Variants in AKAP6 observed in about 807,000 individuals in gnomAD.
AKAP6 encodes A-kinase anchor protein 6.
In AKAP6, 58 loss-of-function variants were observed where a neutral mutation model predicts 188.5. That is an observed-to-expected ratio of 0.31 (90% confidence interval 0.25 to 0.38). AKAP6 has a LOEUF of 0.38. AKAP6 is among the 10% of genes least tolerant of loss of function. The pLI, the probability that AKAP6 is intolerant of heterozygous loss-of-function variation, is 1.00. For missense variants in AKAP6, 2,710 were observed against 2,740.0 expected (o/e 0.99, Z 0.24); for synonymous variants, 989 against 998.6 (o/e 0.99, Z 0.18).
intron 2 of AKAP6, among the ~76,000 whole-genome samples, chr14:32,516,336 A>G (rs1042268405): frequency 2.0e-5 from 3 of 152,112 alleles, no homozygotes; most frequent in Admixed American, 1.3e-4. Context: ...GACCTTGAAG[A>G]TGGTAAAGGA....
At chr14:32,403,539 G>A (rs1889168748) in intron 1 of AKAP6, 2 of 152,190 alleles carry the variant, frequency 1.3e-5, no homozygotes, top group African/African-American at 2.4e-5. Flanking sequence ...TGTGCTCAGA[G>A]CCAAGCTTGT....
intron 12 of AKAP6, among the ~76,000 whole-genome samples, chr14:32,781,335 T>A: frequency 6.9e-6 from 1 of 144,624 alleles, no homozygotes. Flanking sequence ...GCAACAAGAG[T>A]GAAACTTACT....
At chr14:32,531,243 GT>G (rs1351849420) in intron 2 of AKAP6, among the ~76,000 whole-genome samples, 1 of 152,160 alleles carries the variant, frequency 6.6e-6, no homozygotes, top group Non-Finnish European at 1.5e-5. Context: ...TTAAGATATT[GT>G]TAACCATTGT....
intron 3 of AKAP6, among the ~76,000 whole-genome samples, chr14:32,543,721 G>A (rs147849732): frequency 2.0e-5 from 3 of 152,264 alleles, no homozygotes; most frequent in Middle Eastern, 3.4e-3. Flanking sequence ...ACGAATTGGA[G>A]GTGGGGGCAT....
chr14:32,806,221 T>C (rs549153966), intron 12 of AKAP6, among the ~76,000 whole-genome samples: 35 of 152,318 alleles, frequency 2.3e-4, no homozygotes, highest in Non-Finnish European at 4.3e-4. Context: ...ATTTGCAAGA[T>C]AATTTTGACA....
In AKAP6 at chr14:32,381,522, T is replaced by C. The variant is rs571836669; in HGVS notation, c.-34-51938T>C. On this transcript the variant is annotated intron_variant, in intron 1 of 13. Coordinates refer to ENST00000280979, the MANE Select transcript of AKAP6 (RefSeq NM_004274.5). ...CATATGACTTTATTCAATCAACATA[T>C]AAAGTAAAAGTATACTTTGGTTCCA... 9.2e-5 allele frequency among the ~76,000 whole-genome samples: 14 copies of C among 152,112 alleles called. No homozygotes were observed. In the South Asian group the frequency reaches 2.9e-3, roughly 32 times the overall value.
At chr14:32,694,522 C>G (rs866108647) in intron 8 of AKAP6, among the ~76,000 whole-genome samples, 44 of 152,292 alleles carry the variant, frequency 2.9e-4, no homozygotes, top group African/African-American at 9.6e-4. Flanking sequence ...TTCAGAAACA[C>G]TGCTCTAGGC....
chr14:32,772,290 C>G (rs1024700070), intron 11 of AKAP6, among the ~76,000 whole-genome samples: 2 of 152,084 alleles, frequency 1.3e-5, no homozygotes, highest in African/African-American at 4.8e-5. Context: ...GTGGTTATAT[C>G]AGGACTTATA....
chr14:32,594,999 AAAACTT>A (rs1885634362), intron 5 of AKAP6, among the ~76,000 whole-genome samples: 1 of 152,164 alleles, frequency 6.6e-6, no homozygotes, highest in African/African-American at 2.4e-5. Context: ...CGCACTGAGA[AAAACTT>A]AAAAAGACAG....
chr14:32,340,069 C>G (rs1251685369), intron 1 of AKAP6, among the ~76,000 whole-genome samples: 1 of 151,232 alleles, frequency 6.6e-6, no homozygotes, highest in Non-Finnish European at 1.5e-5. Context: ...TATCCAAAAG[C>G]AGTAGAAAGA....
intron 2 of AKAP6, among the ~76,000 whole-genome samples, chr14:32,471,101 A>C (rs1290590650): frequency 6.6e-6 from 1 of 152,204 alleles, no homozygotes; most frequent in Non-Finnish European, 1.5e-5. Flanking sequence ...CATATTACAA[A>C]ATTAATCAAA....
chr14:32,437,058 T>C (rs1012760365), intron 2 of AKAP6, among the ~76,000 whole-genome samples: 1 of 152,222 alleles, frequency 6.6e-6, no homozygotes, highest in Non-Finnish European at 1.5e-5. Flanking sequence ...TCCTGTACTT[T>C]TCTCCTTGTT....
intron 10 of AKAP6, chr14:32,733,564 G>A (rs1356208423): frequency 6.6e-6 from 1 of 152,048 alleles, no homozygotes; most frequent in African/African-American, 2.4e-5. Flanking sequence ...TTGATGATTT[G>A]GAGGAATGCC....
chr14:32,400,850 T>C (rs577544236), intron 1 of AKAP6, among the ~76,000 whole-genome samples: 1 of 152,284 alleles, frequency 6.6e-6, no homozygotes, highest in African/African-American at 2.4e-5. Context: ...TCCTAATAGT[T>C]TGCATTTTTC....
chr14:32,391,821 T>C lies in AKAP6; in HGVS notation c.-34-41639T>C, dbSNP rs552484099. 5.3e-5 allele frequency among the ~76,000 whole-genome samples: 8 copies of C among 152,204 alleles called. No homozygotes were observed. In the South Asian group the frequency reaches 1.4e-3, roughly 28 times the overall value. ...GTTTCTTGTACAGCCTGTAGAACTA[T>C]GAATCAATTAAAGCTCTTTTCTTTA... On this transcript the variant is annotated intron_variant, in intron 1 of 13. Transcript: ENST00000280979.
At chr14:32,418,383 C>A (rs533926221) in intron 1 of AKAP6, among the ~76,000 whole-genome samples, 57 of 152,286 alleles carry the variant, frequency 3.7e-4, no homozygotes, top group Middle Eastern at 6.8e-3. Context: ...GAAATCATGA[C>A]CCTGCTTAGA....
At chr14:32,807,399 A>T (rs2034118979) in intron 12 of AKAP6, among the ~76,000 whole-genome samples, 1 of 151,990 alleles carries the variant, frequency 6.6e-6, no homozygotes, top group African/African-American at 2.4e-5. Context: ...AAGTCAGGGT[A>T]ATTTAGAAGA....
intron 12 of AKAP6, among the ~76,000 whole-genome samples, chr14:32,787,809 T>C (rs1031325909): frequency 2.0e-5 from 3 of 152,146 alleles, no homozygotes; most frequent in Non-Finnish European, 4.4e-5. Context: ...TAAATTTATT[T>C]TTCTTTTATA....
rs145850608 is a variant in AKAP6 at position 32,735,710 on chromosome 14, G to A, written c.3200G>A (p.Ser1067Asn). Reference sequence around the variant, plus strand: ...ACAATGGCAGGGCACAGTGGGTCGAGTCCACGTGACCTGCTCTCTCCTGAA... The same window carrying A: ...ACAATGGCAGGGCACAGTGGGTCGAATCCACGTGACCTGCTCTCTCCTGAA... ...QDTMAGHSGSSPRDLLSPESG... is the reference protein window; with the variant it reads ...QDTMAGHSGSNPRDLLSPESG... Residue 1067 changes from serine (S) to asparagine (N), a missense_variant, in exon 11 of 14, where the codon AGT (serine) becomes AAT (asparagine). Physicochemically the swap from Ser to Asn is conservative, Grantham distance 46. Around this residue, in one of 2 missense-constraint regions of AKAP6, gnomAD observed 2,473 missense variants for 2,426.1 expected, o/e 1.02. Transcript: ENST00000280979. 5.0e-6 allele frequency: 8 copies of A among 1,613,376 alleles called. No individual in the cohort carries two copies. The highest frequency in any genetic ancestry group is 2.7e-5 in the African/African-American group (2 of 74,836).
Sources: gnomAD v4.1 joint callset for allele counts (sites outside exome capture counted in the v4.1 genomes callset) on GRCh38, gnomAD v4.1.1 for gene constraint, gnomAD v4.1.1 regional missense constraint, MANE v1.5 for transcripts, NCBI Gene and HGNC (gene_info 2026-07-23, HGNC 2026-07-21) for gene names.